IKBKB-DT: variants seen among roughly 807,000 people sequenced by gnomAD.
IKBKB-DT encodes the protein IKBKB antisense RNA.
At chr8:42,248,569 T>G (rs1234452299) in intron 3 of IKBKB-DT, among the ~76,000 whole-genome samples, 1 of 152,196 alleles carries the variant, frequency 6.6e-6, no homozygotes, top group Non-Finnish European at 1.5e-5. Flanking sequence ...TTTAATTGGG[T>G]GGGTATGCCT....
rs147726490 is a variant in IKBKB-DT at position 42,250,343 on chromosome 8, A to G, written n.1529+12986T>C. Among the ~76,000 whole-genome samples the G allele has an allele frequency of 4.3e-4, 66 of 152,274 alleles. 1 individual carries two copies. Among genetic ancestry groups the G allele is most frequent in the African/African-American group, 1.5e-3 (63 of 41,554 alleles). On this transcript the variant is annotated intron_variant and non_coding_transcript_variant, in intron 3 of 3. Transcript: ENST00000518213. Reference sequence around the variant, plus strand: ...CAAAAAAACCTGAAAAGACATCTCAAAAGGCCAATCATTGGTTCTATGTTA... The same window carrying G: ...CAAAAAAACCTGAAAAGACATCTCAGAAGGCCAATCATTGGTTCTATGTTA...
intron 3 of IKBKB-DT, among the ~76,000 whole-genome samples, chr8:42,259,941 C>T (rs1310776230): frequency 2.7e-5 from 4 of 145,456 alleles, no homozygotes; most frequent in Admixed American, 2.7e-4. Flanking sequence ...GAGATTGTGC[C>T]ACTGCACTCC....
At position 42,260,949 on chromosome 8, in the gene IKBKB-DT, C is replaced by T. The variant is rs192799552; in HGVS notation, n.1529+2380G>A. On this transcript the variant is annotated intron_variant and non_coding_transcript_variant, in intron 3 of 3. Coordinates refer to ENST00000518213, the Ensembl canonical transcript of IKBKB-DT. ...CCCTTTCCATAGACTATGGGAGCCACTCCCATAGACAGCCAAGGGAAGAAA... is the reference window on the plus strand; with the variant it reads ...CCCTTTCCATAGACTATGGGAGCCATTCCCATAGACAGCCAAGGGAAGAAA... Among the ~76,000 whole-genome samples the T allele has an allele frequency of 3.5e-4, 54 of 152,286 alleles. No homozygotes were observed. In the East Asian group the frequency reaches 9.5e-3, roughly 27 times the overall value.
chr8:42,243,138 G>A (rs72641465), intron 3 of IKBKB-DT, among the ~76,000 whole-genome samples: 4,208 of 152,270 alleles, frequency 0.028, 72 homozygotes, highest in Middle Eastern at 0.044. Context: ...CCTACTGGGC[G>A]GTTGGACTGG....
exon 2 of IKBKB-DT, chr8:42,266,102 A>G (rs1407247767): frequency 6.6e-6 from 1 of 152,158 alleles, no homozygotes; most frequent in Admixed American, 6.5e-5. Context: ...AGTTTCTCCA[A>G]CTTTTCTGGC....
intron 3 of IKBKB-DT, among the ~76,000 whole-genome samples, chr8:42,239,632 A>ATATATATATATATATATATATATTTATT (rs1287944961): frequency 3.4e-5 from 3 of 86,968 alleles, no homozygotes; most frequent in African/African-American, 8.7e-5. Flanking sequence ...ATATATATAT[A>ATATATATATATATATATATATATTTATT]TATTTATTTA....
At chr8:42,261,665 C>T (rs559632246) in intron 3 of IKBKB-DT, among the ~76,000 whole-genome samples, 8 of 152,286 alleles carry the variant, frequency 5.3e-5, no homozygotes, top group Non-Finnish European at 2.9e-5. Flanking sequence ...AAACTTGAGC[C>T]TCTCTTTTGT....
At chr8:42,271,157 T>G (rs1489745189) in exon 1 of IKBKB-DT, 4 of 575,686 alleles carry the variant, frequency 6.9e-6, no homozygotes, top group Non-Finnish European at 1.2e-5. Context: ...TTCCCTCAGT[T>G]GTCTAGAGAC....
At chr8:42,260,865 C>A (rs902859645) in intron 3 of IKBKB-DT, among the ~76,000 whole-genome samples, 2 of 151,962 alleles carry the variant, frequency 1.3e-5, no homozygotes, top group Non-Finnish European at 2.9e-5. Context: ...AACCAATGAG[C>A]CTTTTATGGC....
intron 3 of IKBKB-DT, among the ~76,000 whole-genome samples, chr8:42,239,094 C>T (rs1806964962): frequency 6.6e-6 from 1 of 152,144 alleles, no homozygotes; most frequent in African/African-American, 2.4e-5. Context: ...AGCTCCTCCT[C>T]CCCTGTCAGA....
chr8:42,264,987 C>A (rs919442413), intron 2 of IKBKB-DT, among the ~76,000 whole-genome samples: 1 of 151,864 alleles, frequency 6.6e-6, no homozygotes, highest in African/African-American at 2.4e-5. Context: ...CTCAGTCTCC[C>A]GAGTAACTGG....
rs145494663 is a variant in IKBKB-DT, at chr8:42,255,797, G to A, written n.1529+7532C>T. 5.0e-3 allele frequency among the ~76,000 whole-genome samples: 763 copies of A among 151,958 alleles called. 13 individuals are homozygous for A. Among genetic ancestry groups the A allele is most frequent in the East Asian group, 0.039 (200 of 5,176 alleles). On this transcript the variant is annotated intron_variant and non_coding_transcript_variant, in intron 3 of 3. Coordinates refer to ENST00000518213, the Ensembl canonical transcript of IKBKB-DT. ...TCCCAGCACTTTGGGAGGCCGAGGC[G>A]GGTGGATCACGAGGTCAGGAGTTCA...
intron 3 of IKBKB-DT, among the ~76,000 whole-genome samples, chr8:42,235,525 C>T (rs1806908929): frequency 6.6e-6 from 1 of 152,118 alleles, no homozygotes; most frequent in African/African-American, 2.4e-5. Context: ...TTTGAGATGG[C>T]TTTTCAAGTT....
At chr8:42,237,036 T>TA (rs1383148509) in intron 3 of IKBKB-DT, among the ~76,000 whole-genome samples, 2 of 151,788 alleles carry the variant, frequency 1.3e-5, no homozygotes, top group East Asian at 3.9e-4. Context: ...GTTGTTTTTT[T>TA]AAAAAACACC....
At chr8:42,234,909 C>A (rs943080299) in intron 3 of IKBKB-DT, among the ~76,000 whole-genome samples, 2 of 152,134 alleles carry the variant, frequency 1.3e-5, no homozygotes, top group Non-Finnish European at 2.9e-5. Context: ...GGATTACAGG[C>A]GTGAGCAACT....
Position 42,259,342 on chromosome 8 carries a change from A to G in IKBKB-DT, n.1529+3987T>C, listed in dbSNP as rs112537167. On this transcript the variant is annotated intron_variant and non_coding_transcript_variant, in intron 3 of 3. Transcript: ENST00000518213. ...GCCCAGCCTGTAGCACAGTTTTTCA[A>G]TGTGGCATGGGATATGTTTACTAAC... Among the ~76,000 whole-genome samples the G allele has an allele frequency of 9.7e-3, 1,483 of 152,200 alleles. 29 individuals carry two copies. The highest frequency in any genetic ancestry group is 0.034 in the African/African-American group (1,408 of 41,530).
At chr8:42,243,204 G>C (rs984420083) in intron 3 of IKBKB-DT, among the ~76,000 whole-genome samples, 7 of 152,206 alleles carry the variant, frequency 4.6e-5, no homozygotes, top group Non-Finnish European at 1.5e-5. Flanking sequence ...CAGGTGGGGA[G>C]AGAGTTTTGT....
At chr8:42,250,197 G>C (rs1419084181) in intron 3 of IKBKB-DT, among the ~76,000 whole-genome samples, 1 of 152,126 alleles carries the variant, frequency 6.6e-6, no homozygotes, top group Non-Finnish European at 1.5e-5. Flanking sequence ...GCTTGCTGCT[G>C]GTTGGTTGGT....
chr8:42,236,920 A>G (rs944195095), intron 3 of IKBKB-DT, among the ~76,000 whole-genome samples: 15 of 152,150 alleles, frequency 9.9e-5, no homozygotes, highest in Admixed American at 9.8e-4. Flanking sequence ...AGGTCTCACC[A>G]TGTTGCCCAG....
Sources: gnomAD v4.1 joint callset for allele counts (sites outside exome capture counted in the v4.1 genomes callset) on GRCh38, gnomAD v4.1.1 for gene constraint, MANE v1.5 for transcripts, NCBI Gene and HGNC (gene_info 2026-07-23, HGNC 2026-07-21) for gene names.